The following TNS1 variants were observed in gnomAD, a reference collection of about 807,000 sequenced individuals.
The protein encoded by TNS1 is tensin-1.
Under a neutral mutation model 168.6 loss-of-function variants are expected in TNS1, and 62 were observed. The observed-to-expected ratio is 0.37, with a 90% CI of 0.30 to 0.45. The LOEUF is 0.45. Ranked by LOEUF, TNS1 falls within the 20% of genes least tolerant of loss-of-function variation. The pLI is 1.00. For missense variants in TNS1, 2,240 were observed against 2,339.4 expected (o/e 0.96, Z 0.88); for synonymous variants, 934 against 933.2 (o/e 1.00, Z -0.02).
intron 3 of TNS1, among the ~76,000 whole-genome samples, chr2:217,930,325 C>A (rs1956255009): frequency 6.6e-6 from 1 of 152,232 alleles, no homozygotes; most frequent in Non-Finnish European, 1.5e-5. Context: ...GACCACACCA[C>A]CTTTCCCAGT....
chr2:217,819,018 C>A (rs1434902051), intron 23 of TNS1, among the ~76,000 whole-genome samples: 2 of 152,196 alleles, frequency 1.3e-5, no homozygotes, highest in African/African-American at 4.8e-5. Flanking sequence ...GTGTCTGATT[C>A]CAAAGCCCAC....
intron 3 of TNS1, among the ~76,000 whole-genome samples, chr2:217,949,135 C>T (rs1368145929): frequency 2.6e-5 from 4 of 152,280 alleles, no homozygotes; most frequent in African/African-American, 7.2e-5. Flanking sequence ...GGTTCCAGCC[C>T]GACTCAGCCT....
intron 3 of TNS1, among the ~76,000 whole-genome samples, chr2:217,940,788 G>C (rs990817010): frequency 6.6e-6 from 1 of 152,132 alleles, no homozygotes; most frequent in South Asian, 2.1e-4. Context: ...GTGTAGGAAG[G>C]ATGGAGTCCA....
intron 18 of TNS1, among the ~76,000 whole-genome samples, chr2:217,849,295 C>T (rs1244939748): frequency 6.6e-6 from 1 of 152,184 alleles, no homozygotes; most frequent in Admixed American, 6.5e-5. Flanking sequence ...CAACACTCAG[C>T]TTCAGGGCCG....
intron 8 of TNS1, 136 bp downstream of exon 8, chr2:217,897,661 AG>A: frequency 1.1e-6 from 1 of 935,730 alleles, no homozygotes; most frequent in South Asian, 1.8e-5. Flanking sequence ...GAGCTGCCTG[AG>A]GGGAAAGGCA....
chr2:217,945,677 T>C (rs1957086712), intron 3 of TNS1, among the ~76,000 whole-genome samples: 1 of 152,158 alleles, frequency 6.6e-6, no homozygotes, highest in African/African-American at 2.4e-5. Context: ...TGAAAGCAGA[T>C]GGACTATGGG....
intron 3 of TNS1, among the ~76,000 whole-genome samples, chr2:217,924,035 C>G (rs565106383): frequency 1.3e-5 from 2 of 152,328 alleles, no homozygotes; most frequent in Admixed American, 1.3e-4. Flanking sequence ...AGGGAACTCC[C>G]TGCATGACCC....
intron 8 of TNS1, among the ~76,000 whole-genome samples, chr2:217,896,156 C>T (rs1574990966): frequency 6.6e-6 from 1 of 152,206 alleles, no homozygotes; most frequent in African/African-American, 2.4e-5. Context: ...GGCTAAACAG[C>T]TAAGATCATG....
upstream of TNS1, among the ~76,000 whole-genome samples, chr2:218,007,628 T>C (rs1242440239): frequency 6.6e-6 from 1 of 151,284 alleles, no homozygotes; most frequent in Non-Finnish European, 1.5e-5. Context: ...AGGATAGTGC[T>C]ACTACATGGG....
At chr2:217,910,636 C>T (rs779488209) in intron 4 of TNS1, among the ~76,000 whole-genome samples, 1 of 151,170 alleles carries the variant, frequency 6.6e-6, no homozygotes, top group Non-Finnish European at 1.5e-5. Context: ...CTCCCGGGAC[C>T]CTCTGGAACC....
chr2:217,956,028 GC>G (rs202053784), intron 3 of TNS1, among the ~76,000 whole-genome samples: 3,911 of 152,082 alleles, frequency 0.026, 65 homozygotes, highest in South Asian at 0.046. Context: ...GAGGACATGA[GC>G]CCCCCCACCA....
At position 218,033,714 on chromosome 2, in the gene TNS1, C is replaced by CACCG. The variant is rs1958921450; in HGVS notation, c.156+102_156+105dup. On this transcript the variant is annotated intron_variant, in intron 1 of 1. Transcript: ENST00000649572. This position sits in a 1 kb window ranked among gnomAD's most constrained non-coding sequence, Gnocchi z 4.3. ...TTGCCGCACTTCCCAAGCAGACTAGCACCGTCCTGGGCTGGCTACTTAACC... is the reference window on the plus strand; with the variant it reads ...TTGCCGCACTTCCCAAGCAGACTAGCACCGACCGTCCTGGGCTGGCTACTTAACC... Among the ~76,000 whole-genome samples, 1 of 152,234 alleles carries CACCG rather than the reference C, an allele frequency of 6.6e-6. No homozygotes were observed. Among genetic ancestry groups the CACCG allele is most frequent in the Non-Finnish European group, 1.5e-5 (1 of 68,044 alleles).
chr2:217,919,002 C>T (rs993727274), intron 4 of TNS1, among the ~76,000 whole-genome samples: 29 of 108 alleles, frequency 0.27, no homozygotes, highest in African/African-American at 0.4. Flanking sequence ...ACAACCCCAG[C>T]AGGCCTGAGC....
At chr2:217,928,005 A>G (rs1956124931) in intron 3 of TNS1, among the ~76,000 whole-genome samples, 1 of 152,170 alleles carries the variant, frequency 6.6e-6, no homozygotes, top group Non-Finnish European at 1.5e-5. Flanking sequence ...GGCTCACACC[A>G]TGAGTCCACT....
chr2:217,891,116 G>C, intron 11 of TNS1, 71 bp from the exon 12 acceptor site: 1 of 1,488,610 alleles, frequency 6.7e-7, no homozygotes, highest in Non-Finnish European at 9.4e-7. Context: ...CCCCACCCCT[G>C]CTCCCTCAGA....
intron 18 of TNS1, among the ~76,000 whole-genome samples, chr2:217,851,327 A>G (rs79968799): frequency 0.01 from 1,529 of 152,212 alleles, 24 homozygotes; most frequent in African/African-American, 0.034. Context: ...GTGATCAGAC[A>G]ACCACAAAAC....
intron 18 of TNS1, among the ~76,000 whole-genome samples, chr2:217,866,751 G>T (rs1022319016): frequency 6.6e-6 from 1 of 152,172 alleles, no homozygotes; most frequent in Non-Finnish European, 1.5e-5. Flanking sequence ...GGGCTGGCCA[G>T]TTCAGCCACT....
chr2:217,959,457 G>A (rs1475006769), intron 3 of TNS1, among the ~76,000 whole-genome samples: 22 of 150,270 alleles, frequency 1.5e-4, no homozygotes, highest in Non-Finnish European at 3.0e-5. Context: ...ATCTTAGTAT[G>A]GAAACTTAGC....
Position 217,804,136 on chromosome 2 carries a change from G to A in TNS1, c.*323C>T, listed in dbSNP as rs1290870457. 4.2e-6 allele frequency: 1 copy of A among 240,914 alleles called. No individual in the cohort carries two copies. Among genetic ancestry groups the A allele is most frequent in the African/African-American group, 2.3e-5 (1 of 44,244 alleles). 14.9% of individuals were successfully genotyped at this position (240,914 alleles called of 1,614,324 possible). A position where few individuals can be genotyped will look rare whatever the true frequency, so the allele number is the denominator to read the frequency against. The stretch of plus-strand genomic sequence containing the variant: ...CAAGGAGGTTTGTTCCTTCTCTTTT[G>A]AGGACATCCATCTTCTTAGGGGAGG... On this transcript the variant is annotated 3_prime_UTR_variant, in exon 33 of 33. Coordinates refer to ENST00000682258, the MANE Select transcript of TNS1 (RefSeq NM_001387777.1).
Sources: gnomAD v4.1 joint callset for allele counts (sites outside exome capture counted in the v4.1 genomes callset) on GRCh38, gnomAD v4.1.1 for gene constraint, Gnocchi (gnomAD v3.1) non-coding constraint, MANE v1.5 for transcripts, NCBI Gene and HGNC (gene_info 2026-07-23, HGNC 2026-07-21) for gene names.